The following DHRS7B variants were observed in gnomAD, a reference collection of about 807,000 sequenced individuals.
The protein encoded by DHRS7B is dehydrogenase/reductase 7B.
A neutral mutation model predicts 26.4 loss-of-function variants in DHRS7B; 24 were observed. That is an observed-to-expected ratio of 0.91 (90% CI 0.66 to 1.28). The LOEUF is 1.28. Ranked by LOEUF, DHRS7B falls within the 50% of genes most tolerant of loss-of-function variation. The probability of loss-of-function intolerance (pLI) is 0.00; values close to 1 mark genes in which losing one functional copy is unlikely to be tolerated. For missense variants in DHRS7B, 368 were observed against 419.4 expected (o/e 0.88, Z 1.07); for synonymous variants, 142 against 166.4 (o/e 0.85, Z 1.13).
intron 1 of DHRS7B, chr17:21,168,994 A>G: frequency 1.2e-6 from 1 of 842,708 alleles, no homozygotes; most frequent in Non-Finnish European, 1.4e-6. Context: ...ATCATCTTCC[A>G]CTGGGGAGCC....
At chr17:21,185,664 T>G (rs2144221939) in intron 5 of DHRS7B, among the ~76,000 whole-genome samples, 1 of 152,198 alleles carries the variant, frequency 6.6e-6, no homozygotes, top group Non-Finnish European at 1.5e-5. Flanking sequence ...GTTAAAATGT[T>G]AATAATAGGT....
chr17:21,144,673 C>T (rs755031286), intron 1 of DHRS7B, among the ~76,000 whole-genome samples: 14 of 152,058 alleles, frequency 9.2e-5, no homozygotes, highest in Middle Eastern at 3.4e-3. Context: ...CAAAAATTAG[C>T]CAGGCATAGT....
chr17:21,141,738 CAA>C (rs375398407), intron 1 of DHRS7B, among the ~76,000 whole-genome samples: 4 of 138,448 alleles, frequency 2.9e-5, no homozygotes, highest in African/African-American at 7.8e-5. Context: ...GGTAAAACTC[CAA>C]AAAAAAAAAG....
At chr17:21,179,504 G>A (rs964752240) in intron 3 of DHRS7B, among the ~76,000 whole-genome samples, 1 of 152,108 alleles carries the variant, frequency 6.6e-6, no homozygotes, top group African/African-American at 2.4e-5. Context: ...GAAGGCTGAG[G>A]CAGCAGAATC....
intron 1 of DHRS7B, among the ~76,000 whole-genome samples, chr17:21,170,979 C>T (rs146583074): frequency 3.0e-3 from 456 of 152,234 alleles, no homozygotes; most frequent in African/African-American, 0.01. Context: ...GAACTCTCTT[C>T]TTGGATTCCA....
At chr17:21,185,352 T>C (rs996088450) in intron 5 of DHRS7B, among the ~76,000 whole-genome samples, 13 of 152,246 alleles carry the variant, frequency 8.5e-5, no homozygotes, top group Non-Finnish European at 2.9e-5. Context: ...TCCAGTTCCA[T>C]GACACTATAG....
At chr17:21,132,320 G>C (rs367926843) in intron 1 of DHRS7B, among the ~76,000 whole-genome samples, 3 of 141,742 alleles carry the variant, frequency 2.1e-5, no homozygotes, top group East Asian at 4.1e-4. Flanking sequence ...GGGCAACATA[G>C]GGAGACCCCA....
chr17:21,165,005 G>A (rs1974079843), intron 1 of DHRS7B, among the ~76,000 whole-genome samples: 1 of 152,156 alleles, frequency 6.6e-6, no homozygotes, highest in South Asian at 2.1e-4. Context: ...CCTTTTTTCA[G>A]TCAGTTTATG....
At position 21,178,170 on chromosome 17, in the gene DHRS7B, G is replaced by T. The variant is rs571551688; in HGVS notation, c.200-63G>T. ...GTGAAGCAGCAAACAGCAACGCTGG[G>T]TGAATTTAAACTGAACGGCACTGAG... On this transcript the variant is annotated intron_variant, in intron 2 of 6. Transcript: ENST00000395511. The T allele has an allele frequency of 7.3e-6, 11 of 1,506,954 alleles. No individual in the cohort carries two copies. The African/African-American group carries it at 1.2e-4, about 17-fold the overall frequency. 93.3% of individuals were successfully genotyped at this position (1,506,954 alleles called of 1,614,324 possible). A position where few individuals can be genotyped will look rare whatever the true frequency, so the allele number is the denominator to read the frequency against.
intron 3 of DHRS7B, 50 bp downstream of exon 3, chr17:21,178,392 G>A (rs559570913): frequency 6.7e-7 from 1 of 1,488,896 alleles, no homozygotes; most frequent in Admixed American, 1.7e-5. Context: ...GCCGTCTTCT[G>A]TAGGCACTGA....
chr17:21,183,841 G>T, intron 4 of DHRS7B, 31 bp downstream of exon 4: 1 of 1,580,140 alleles, frequency 6.3e-7, no homozygotes, highest in Non-Finnish European at 8.7e-7. Context: ...GCAGTGATAA[G>T]TGATATGTTG....
intron 1 of DHRS7B, among the ~76,000 whole-genome samples, chr17:21,130,537 A>G (rs960779539): frequency 2.6e-5 from 4 of 152,218 alleles, no homozygotes; most frequent in Non-Finnish European, 4.4e-5. Context: ...TAGTTTATTT[A>G]GCCTTTAAAA....
intron 1 of DHRS7B, among the ~76,000 whole-genome samples, chr17:21,156,292 G>C (rs1189770675): frequency 6.6e-6 from 1 of 152,130 alleles, no homozygotes; most frequent in Non-Finnish European, 1.5e-5. Flanking sequence ...CATCACCACA[G>C]AGCCCATGGA....
At chr17:21,132,098 G>A (rs138558865) in intron 1 of DHRS7B, among the ~76,000 whole-genome samples, 315 of 152,220 alleles carry the variant, frequency 2.1e-3, no homozygotes, top group African/African-American at 7.1e-3. Flanking sequence ...AGAATGATTT[G>A]CAGATCAGCA....
At chr17:21,171,405 G>A (rs1341921396) in intron 1 of DHRS7B, among the ~76,000 whole-genome samples, 4 of 152,300 alleles carry the variant, frequency 2.6e-5, no homozygotes, top group South Asian at 2.1e-4. Context: ...CTCACCGGCC[G>A]GAGCCCATGC....
chr17:21,129,564 G>A (rs189540792), intron 1 of DHRS7B, among the ~76,000 whole-genome samples: 2 of 151,684 alleles, frequency 1.3e-5, no homozygotes, highest in African/African-American at 4.8e-5. Context: ...AATTATCTAG[G>A]CGTGCTGGTG....
intron 1 of DHRS7B, among the ~76,000 whole-genome samples, chr17:21,138,049 A>C (rs1189285165): frequency 2.2e-5 from 3 of 137,556 alleles, no homozygotes; most frequent in Non-Finnish European, 4.6e-5. Flanking sequence ...CTGGGATTAC[A>C]GGTGCCCGGC....
intron 1 of DHRS7B, among the ~76,000 whole-genome samples, chr17:21,154,328 C>T (rs1973834882): frequency 6.6e-6 from 1 of 151,716 alleles, no homozygotes; most frequent in Non-Finnish European, 1.5e-5. Flanking sequence ...AAAAAAATTA[C>T]ATCTGACTTC....
intron 1 of DHRS7B, among the ~76,000 whole-genome samples, chr17:21,143,069 C>T (rs550756321): frequency 6.6e-6 from 1 of 152,344 alleles, no homozygotes; most frequent in African/African-American, 2.4e-5. Flanking sequence ...GCTAGGATTA[C>T]AGGCACCTGC....
Sources: allele counts gnomAD v4.1 joint callset (sites outside exome capture counted in the v4.1 genomes callset), GRCh38; gene constraint gnomAD v4.1.1; transcripts MANE v1.5; gene names NCBI Gene and HGNC (gene_info 2026-07-23, HGNC 2026-07-21).